The following SGCZ variants were observed in gnomAD, a reference collection of about 807,000 sequenced individuals.
SGCZ encodes sarcoglycan zeta.
SGCZ carries 40 observed loss-of-function variants against 41.3 expected under a neutral mutation model. That is an observed-to-expected ratio of 0.97 (90% CI 0.75 to 1.26). SGCZ has a LOEUF of 1.26. Ranked by LOEUF, SGCZ falls within the 50% of genes most tolerant of loss-of-function variation. SGCZ has a pLI of 0.00. For missense variants in SGCZ, 552 were observed against 369.8 expected (o/e 1.49, Z -4.04); for synonymous variants, 206 against 137.5 (o/e 1.50, Z -3.49).
At chr8:14,684,889 T>C (rs1370166880) in intron 1 of SGCZ, among the ~76,000 whole-genome samples, 2 of 152,112 alleles carry the variant, frequency 1.3e-5, no homozygotes, top group African/African-American at 4.8e-5. Context: ...AGGTCTGTTA[T>C]CTGTGCAGGT....
intron 2 of SGCZ, among the ~76,000 whole-genome samples, chr8:14,531,126 C>T (rs1803117213): frequency 6.6e-6 from 1 of 152,028 alleles, no homozygotes; most frequent in African/African-American, 2.4e-5. Context: ...GTACCGGGAT[C>T]TTCACTTCAG....
chr8:15,029,632 A>T (rs776305905), intron 1 of SGCZ, among the ~76,000 whole-genome samples: 35 of 152,226 alleles, frequency 2.3e-4, no homozygotes, highest in African/African-American at 7.5e-4. Flanking sequence ...ATAAGGGGGA[A>T]ATGTTACTTG....
At position 15,211,934 on chromosome 8, in the gene SGCZ, A is replaced by G. The variant is rs547674453; in HGVS notation, c.39+25651T>C. On this transcript the variant is annotated intron_variant, in intron 1 of 7. Coordinates refer to ENST00000382080, the MANE Select transcript of SGCZ (RefSeq NM_139167.4). ...AAGGTTTCTAGTTACATGAGAATTC[A>G]AAGTTTAACTTGAATACTGAACAAA... Among the ~76,000 whole-genome samples, 26 of 152,280 alleles carry G rather than the reference A, an allele frequency of 1.7e-4. 1 individual carries two copies. The East Asian group carries it at 5.0e-3, about 29-fold the overall frequency.
intron 1 of SGCZ, among the ~76,000 whole-genome samples, chr8:14,872,033 C>T (rs963246283): frequency 7.9e-5 from 12 of 151,668 alleles, no homozygotes; most frequent in African/African-American, 2.9e-4. Context: ...ATGGAAGAAG[C>T]TGGAAACCAT....
intron 1 of SGCZ, among the ~76,000 whole-genome samples, chr8:15,127,961 C>T (rs987722789): frequency 6.6e-6 from 1 of 152,122 alleles, no homozygotes; most frequent in African/African-American, 2.4e-5. Flanking sequence ...ACTCAGGATG[C>T]TGACCTATAA....
intron 1 of SGCZ, among the ~76,000 whole-genome samples, chr8:14,720,427 G>C (rs1050190346): frequency 1.9e-4 from 29 of 152,024 alleles, no homozygotes; most frequent in African/African-American, 7.0e-4. Context: ...AAATAAAACA[G>C]TTGAATGCAA....
At chr8:14,745,353 G>C (rs531616060) in intron 1 of SGCZ, among the ~76,000 whole-genome samples, 22 of 152,280 alleles carry the variant, frequency 1.4e-4, no homozygotes, top group African/African-American at 5.1e-4. Flanking sequence ...TTGGAAGCTA[G>C]ATCTGTATAA....
chr8:14,411,821 C>T (rs759733623), intron 2 of SGCZ, among the ~76,000 whole-genome samples: 1 of 152,020 alleles, frequency 6.6e-6, no homozygotes, highest in Non-Finnish European at 1.5e-5. Flanking sequence ...TAAAAATGTG[C>T]TCTTTTTCCA....
At chr8:14,801,547 C>T (rs896508922) in intron 1 of SGCZ, among the ~76,000 whole-genome samples, 1 of 151,992 alleles carries the variant, frequency 6.6e-6, no homozygotes, top group Non-Finnish European at 1.5e-5. Context: ...TGTTTACTTC[C>T]AGGGAAAGAA....
chr8:15,081,710 T>G (rs185430722), intron 1 of SGCZ, among the ~76,000 whole-genome samples: 1 of 152,174 alleles, frequency 6.6e-6, no homozygotes, highest in Non-Finnish European at 1.5e-5. Flanking sequence ...GCTGCCAAAT[T>G]TTCGGATTTT....
At chr8:14,673,558 A>T (rs531141051) in intron 1 of SGCZ, among the ~76,000 whole-genome samples, 3 of 151,948 alleles carry the variant, frequency 2.0e-5, no homozygotes, top group African/African-American at 7.3e-5. Context: ...CTCCCAATCC[A>T]TGTGGAACTG....
intron 1 of SGCZ, among the ~76,000 whole-genome samples, chr8:14,676,313 T>A (rs889012979): frequency 7.2e-6 from 1 of 139,844 alleles, no homozygotes; most frequent in Admixed American, 8.0e-5. Flanking sequence ...CTGAACAGCA[T>A]AGAGAGATCC....
chr8:14,770,737 C>A (rs1800209336), intron 1 of SGCZ, among the ~76,000 whole-genome samples: 1 of 152,104 alleles, frequency 6.6e-6, no homozygotes, highest in South Asian at 2.1e-4. Flanking sequence ...ATAGTATCTG[C>A]CACCAAAAGT....
chr8:14,532,417 G>A (rs183768862), intron 2 of SGCZ, among the ~76,000 whole-genome samples: 2 of 152,040 alleles, frequency 1.3e-5, no homozygotes, highest in African/African-American at 2.4e-5. Flanking sequence ...TCCTCCCTGT[G>A]TCCTCAATGA....
At chr8:14,094,311 G>C (rs1198696836) in intron 7 of SGCZ, among the ~76,000 whole-genome samples, 5 of 151,822 alleles carry the variant, frequency 3.3e-5, no homozygotes, top group African/African-American at 1.2e-4. Context: ...TGCCAGAGAG[G>C]ACCCAGATGT....
chr8:14,647,204 C>T (rs1414293368), intron 1 of SGCZ, among the ~76,000 whole-genome samples: 1 of 151,980 alleles, frequency 6.6e-6, no homozygotes, highest in South Asian at 2.1e-4. Flanking sequence ...CTATATAGCT[C>T]TCTGGACTGA....
chr8:14,330,622 T>G (rs1381909761), intron 2 of SGCZ, among the ~76,000 whole-genome samples: 1 of 152,062 alleles, frequency 6.6e-6, no homozygotes, highest in African/African-American at 2.4e-5. Context: ...TGTTTAAATT[T>G]AAATTTAAAA....
At chr8:15,028,389 T>C (rs1377607301) in intron 1 of SGCZ, among the ~76,000 whole-genome samples, 3 of 151,986 alleles carry the variant, frequency 2.0e-5, no homozygotes, top group Non-Finnish European at 4.4e-5. Context: ...AGGAACACTA[T>C]CGTCTTTCTA....
At chr8:15,105,529 C>A (rs1032571748) in intron 1 of SGCZ, among the ~76,000 whole-genome samples, 1 of 152,002 alleles carries the variant, frequency 6.6e-6, no homozygotes, top group Admixed American at 6.6e-5. Context: ...CGAAGTGATA[C>A]CCACTTTTAA....
Sources: gnomAD v4.1 joint callset for allele counts (sites outside exome capture counted in the v4.1 genomes callset) on GRCh38, gnomAD v4.1.1 for gene constraint, MANE v1.5 for transcripts, NCBI Gene and HGNC (gene_info 2026-07-23, HGNC 2026-07-21) for gene names.